FNDC3B: variants seen among roughly 807,000 people sequenced by gnomAD.
The protein encoded by FNDC3B is fibronectin type III domain containing 3B, also known as fibronectin type III domain-containing protein 3B.
A neutral mutation model predicts 151.5 loss-of-function variants in FNDC3B; 12 were observed. The observed-to-expected ratio is 0.08, with a 90% CI of 0.05 to 0.13. The LOEUF (loss-of-function observed/expected upper bound fraction) is 0.13, where lower values mean the gene tolerates loss of function less well. Ranked by LOEUF, FNDC3B falls within the 10% of genes least tolerant of loss-of-function variation. FNDC3B has a pLI of 1.00. For missense variants in FNDC3B, 1,214 were observed against 1,505.3 expected (o/e 0.81, Z 3.20); for synonymous variants, 528 against 549.0 (o/e 0.96, Z 0.54).
chr3:172,279,805 T>C (rs1729611606), intron 6 of FNDC3B, among the ~76,000 whole-genome samples: 1 of 152,254 alleles, frequency 6.6e-6, no homozygotes, highest in African/African-American at 2.4e-5. Context: ...TATGCGCTTA[T>C]TGATTCCTCT....
chr3:172,117,200 C>T (rs1409297746), intron 2 of FNDC3B, among the ~76,000 whole-genome samples: 1 of 152,176 alleles, frequency 6.6e-6, no homozygotes, highest in Non-Finnish European at 1.5e-5. Flanking sequence ...TGAATAACTA[C>T]AGCCTAGCTT....
intron 1 of FNDC3B, among the ~76,000 whole-genome samples, chr3:172,068,378 T>A (rs908699473): frequency 1.3e-5 from 2 of 151,558 alleles, no homozygotes; most frequent in African/African-American, 4.8e-5. Flanking sequence ...TTTGTAGTTC[T>A]CCTTCTGAAC....
At chr3:172,054,375 G>T (rs1030526084) in intron 1 of FNDC3B, among the ~76,000 whole-genome samples, 2 of 152,120 alleles carry the variant, frequency 1.3e-5, no homozygotes, top group African/African-American at 4.8e-5. Context: ...CCCTAAATGC[G>T]TCCTTTGTTA....
intron 2 of FNDC3B, among the ~76,000 whole-genome samples, chr3:172,123,189 C>T (rs1374118335): frequency 6.6e-6 from 1 of 152,142 alleles, no homozygotes; most frequent in East Asian, 1.9e-4. Flanking sequence ...TAGGCATGCA[C>T]CAGCATGGCC....
intron 6 of FNDC3B, among the ~76,000 whole-genome samples, chr3:172,285,085 C>T (rs961651070): frequency 6.6e-6 from 1 of 152,222 alleles, no homozygotes; most frequent in African/African-American, 2.4e-5. Context: ...TTGCCCCACC[C>T]CCAAAACATG....
chr3:172,112,588 C>G lies in FNDC3B; in HGVS notation c.109C>G (p.Gln37Glu). Residue 37 changes from glutamine to glutamate, a missense_variant and splice_region_variant, in exon 2 of 26, where the codon CAG becomes GAG. By Grantham distance (29) the Gln-to-Glu change is conservative. Transcript: ENST00000415807. ...CTTGGTGAATGGAGATGCAGCTCAGCAGGTTGGTGTAGGAAGAGGGAAATT... is the reference window on the plus strand; with the variant it reads ...CTTGGTGAATGGAGATGCAGCTCAGGAGGTTGGTGTAGGAAGAGGGAAATT... ...PHLVNGDAAQ[Q>E]VILVQVNPGE... 2 of 1,605,756 alleles carry G rather than the reference C, an allele frequency of 1.2e-6. No individual in the cohort carries two copies. The highest frequency in any genetic ancestry group is 1.7e-6 in the Non-Finnish European group (2 of 1,172,396).
At chr3:172,320,311 C>T (rs368162195) in intron 11 of FNDC3B, among the ~76,000 whole-genome samples, 5 of 151,724 alleles carry the variant, frequency 3.3e-5, no homozygotes, top group African/African-American at 1.2e-4. Context: ...ACCTGGGAGG[C>T]GGAGGTTGAG....
chr3:172,193,991 C>A (rs1004352541), intron 3 of FNDC3B, among the ~76,000 whole-genome samples: 6 of 151,960 alleles, frequency 3.9e-5, no homozygotes, highest in African/African-American at 1.5e-4. Flanking sequence ...GAGGCTGAGG[C>A]GGGCGGATCA....
At chr3:172,238,567 TTTC>T (rs1295616593) in intron 4 of FNDC3B, among the ~76,000 whole-genome samples, 1 of 152,204 alleles carries the variant, frequency 6.6e-6, no homozygotes, top group Non-Finnish European at 1.5e-5. Context: ...CTAATTTTTC[TTTC>T]TTCTTATGGT....
intron 1 of FNDC3B, among the ~76,000 whole-genome samples, chr3:172,050,414 C>T (rs1261910283): frequency 1.3e-5 from 2 of 150,744 alleles, no homozygotes; most frequent in Non-Finnish European, 2.9e-5. Context: ...GATGGTGTCT[C>T]ACTCTGTCAC....
chr3:172,147,845 C>T (rs1336719708), intron 3 of FNDC3B, among the ~76,000 whole-genome samples: 1 of 151,916 alleles, frequency 6.6e-6, no homozygotes, highest in Non-Finnish European at 1.5e-5. Flanking sequence ...AAAAAGAAGG[C>T]TCTCAGAATT....
At chr3:172,071,605 C>T (rs1717774713) in intron 1 of FNDC3B, among the ~76,000 whole-genome samples, 1 of 151,976 alleles carries the variant, frequency 6.6e-6, no homozygotes, top group Non-Finnish European at 1.5e-5. Flanking sequence ...TGTGAAGAGT[C>T]TTATGAAAGG....
At chr3:172,105,577 C>G (rs1406193848) in intron 1 of FNDC3B, among the ~76,000 whole-genome samples, 2 of 150,302 alleles carry the variant, frequency 1.3e-5, no homozygotes, top group Non-Finnish European at 3.0e-5. Flanking sequence ...TTCCCCACCC[C>G]CCTGAATCAG....
At chr3:172,152,657 C>G (rs1052889219) in intron 3 of FNDC3B, among the ~76,000 whole-genome samples, 2 of 150,634 alleles carry the variant, frequency 1.3e-5, no homozygotes, top group African/African-American at 4.9e-5. Flanking sequence ...AAGAGCCCTT[C>G]CCCTGATAGC....
intron 1 of FNDC3B, among the ~76,000 whole-genome samples, chr3:172,073,357 T>C (rs1717869831): frequency 1.3e-5 from 2 of 152,196 alleles, no homozygotes; most frequent in African/African-American, 4.8e-5. Context: ...ACAGTTCGAA[T>C]GTAGAGACTG....
intron 3 of FNDC3B, among the ~76,000 whole-genome samples, chr3:172,210,701 C>T (rs1725693190): frequency 6.6e-6 from 1 of 152,000 alleles, no homozygotes; most frequent in Non-Finnish European, 1.5e-5. Flanking sequence ...ACTTTTCAGC[C>T]AAGTGCAAAA....
intron 1 of FNDC3B, among the ~76,000 whole-genome samples, chr3:172,111,527 C>T (rs1179426516): frequency 6.6e-6 from 1 of 152,120 alleles, no homozygotes; most frequent in Non-Finnish European, 1.5e-5. Context: ...GTATAATAAA[C>T]AGGTAAAATT....
At chr3:172,164,463 T>A (rs565538621) in intron 3 of FNDC3B, among the ~76,000 whole-genome samples, 1 of 152,272 alleles carries the variant, frequency 6.6e-6, no homozygotes, top group East Asian at 1.9e-4. Flanking sequence ...AGAGTGTACA[T>A]GTGGGCCAAA....
At chr3:172,232,995 T>C (rs1197942585) in intron 4 of FNDC3B, among the ~76,000 whole-genome samples, 4 of 152,226 alleles carry the variant, frequency 2.6e-5, no homozygotes, top group African/African-American at 9.6e-5. Flanking sequence ...TAAATACATA[T>C]TGAAATCACA....
Sources: allele counts gnomAD v4.1 joint callset (sites outside exome capture counted in the v4.1 genomes callset), GRCh38; gene constraint gnomAD v4.1.1; transcripts MANE v1.5; gene names NCBI Gene and HGNC (gene_info 2026-07-23, HGNC 2026-07-21).